Variants in MRTFA observed in about 807,000 individuals in gnomAD.
MRTFA encodes myocardin-related transcription factor A.
A neutral mutation model predicts 83.5 loss-of-function variants in MRTFA; 20 were observed. The ratio of observed to expected loss-of-function variants is 0.24; its 90% CI spans 0.17 to 0.35. The LOEUF is 0.35. Among genes scored for constraint, MRTFA ranks in the 10% least tolerant of loss-of-function variants. The pLI is 1.00. For missense variants in MRTFA, 1,200 were observed against 1,224.7 expected (o/e 0.98, Z 0.30); for synonymous variants, 659 against 541.2 (o/e 1.22, Z -3.02).
chr22:40,511,521 A>G (rs2054668016), intron 3 of MRTFA, among the ~76,000 whole-genome samples: 1 of 152,236 alleles, frequency 6.6e-6, no homozygotes, highest in East Asian at 1.9e-4. Context: ...TTTGGAGGAA[A>G]TTCTAAGACG....
intron 4 of MRTFA, among the ~76,000 whole-genome samples, chr22:40,446,299 T>C (rs901035196): frequency 6.6e-6 from 1 of 152,192 alleles, no homozygotes; most frequent in Non-Finnish European, 1.5e-5. Flanking sequence ...AATTGCAAAA[T>C]AGCAAGGACT....
intron 1 of MRTFA, among the ~76,000 whole-genome samples, chr22:40,631,267 G>C (rs575714829): frequency 6.6e-6 from 1 of 152,230 alleles, no homozygotes; most frequent in East Asian, 1.9e-4. Context: ...TCATCTCTCT[G>C]ACTCCAAACT....
chr22:40,631,259 A>C (rs1432174358), intron 1 of MRTFA, among the ~76,000 whole-genome samples: 1 of 152,176 alleles, frequency 6.6e-6, no homozygotes, highest in African/African-American at 2.4e-5. Flanking sequence ...ATATTCATTC[A>C]TCTCTCTGAC....
chr22:40,426,720 C>T (rs968311081), intron 7 of MRTFA, among the ~76,000 whole-genome samples: 1 of 152,190 alleles, frequency 6.6e-6, no homozygotes, highest in African/African-American at 2.4e-5. Context: ...GCCACCAACA[C>T]CTGTTCCCAT....
chr22:40,524,124 T>C (rs1286330251), intron 3 of MRTFA, among the ~76,000 whole-genome samples: 2 of 152,048 alleles, frequency 1.3e-5, no homozygotes, highest in Admixed American at 1.3e-4. Flanking sequence ...TGAAAACCTG[T>C]CTCTCATTAA....
chr22:40,424,452 C>T (rs1370622155), intron 7 of MRTFA, 71 bp from the exon 8 acceptor site: 2 of 1,518,032 alleles, frequency 1.3e-6, no homozygotes, highest in African/African-American at 1.4e-5. Context: ...AGGCCTGGCT[C>T]GCAGGCCACA....
intron 2 of MRTFA, among the ~76,000 whole-genome samples, chr22:40,565,304 T>C (rs1431732107): frequency 6.6e-6 from 1 of 152,102 alleles, no homozygotes; most frequent in Admixed American, 6.5e-5. Flanking sequence ...CCCAGGACTT[T>C]GGGAGGCCAA....
At chr22:40,449,628 A>T (rs1339128692) in intron 4 of MRTFA, among the ~76,000 whole-genome samples, 1 of 152,220 alleles carries the variant, frequency 6.6e-6, no homozygotes, top group Non-Finnish European at 1.5e-5. Context: ...GAGGTGAGAA[A>T]GTAAGAATTT....
intron 1 of MRTFA, among the ~76,000 whole-genome samples, chr22:40,620,539 G>T (rs1258016088): frequency 6.7e-6 from 1 of 149,714 alleles, no homozygotes; most frequent in African/African-American, 2.5e-5. Context: ...TTCCCAAAGT[G>T]CTGGGATTAC....
chr22:40,504,137 T>G (rs1569301294), intron 3 of MRTFA, among the ~76,000 whole-genome samples: 1 of 152,168 alleles, frequency 6.6e-6, no homozygotes, highest in Non-Finnish European at 1.5e-5. Context: ...AATTGAAAAT[T>G]AGATATAAAA....
chr22:40,587,788 T>C (rs1256143059), intron 2 of MRTFA: 2 of 338,036 alleles, frequency 5.9e-6, no homozygotes, highest in Non-Finnish European at 1.2e-5. Context: ...GAGACCCAAC[T>C]CTGCCAGTAC....
chr22:40,484,509 A>G (rs2054142952), intron 3 of MRTFA, among the ~76,000 whole-genome samples: 1 of 152,174 alleles, frequency 6.6e-6, no homozygotes, highest in Non-Finnish European at 1.5e-5. Context: ...AAGCAAAGGT[A>G]GGTGTAACTG....
chr22:40,441,723 G>A (rs1446281024), intron 4 of MRTFA, among the ~76,000 whole-genome samples: 1 of 151,820 alleles, frequency 6.6e-6, no homozygotes, highest in Non-Finnish European at 1.5e-5. Context: ...GGAGGCGAAG[G>A]TTGCAGTGAG....
intron 2 of MRTFA, among the ~76,000 whole-genome samples, chr22:40,557,829 A>G (rs1274298530): frequency 6.6e-6 from 1 of 152,170 alleles, no homozygotes; most frequent in Non-Finnish European, 1.5e-5. Flanking sequence ...GCTGGAGTGC[A>G]GTGGCAAGTT....
intron 12 of MRTFA, 166 bp from the exon 13 acceptor site, chr22:40,417,659 A>G: frequency 1.7e-6 from 1 of 600,042 alleles, no homozygotes; most frequent in Non-Finnish European, 2.9e-6. Flanking sequence ...CTAGGTAGGA[A>G]GGAATACAGG....
chr22:40,577,921 T>A (rs2055891118), intron 2 of MRTFA, among the ~76,000 whole-genome samples: 1 of 151,734 alleles, frequency 6.6e-6, no homozygotes, highest in East Asian at 1.9e-4. Context: ...CTGATCTTTT[T>A]AAACCACTGT....
chr22:40,622,164 G>A (rs1242403548), intron 1 of MRTFA, among the ~76,000 whole-genome samples: 1 of 152,130 alleles, frequency 6.6e-6, no homozygotes, highest in Non-Finnish European at 1.5e-5. Flanking sequence ...AAAGGGCTAG[G>A]AGTCTTTGCA....
At chr22:40,423,828 C>T (rs1047503897) in intron 8 of MRTFA, 143 bp from the exon 9 acceptor site, 3 of 717,072 alleles carry the variant, frequency 4.2e-6, no homozygotes, top group Non-Finnish European at 6.3e-6. Flanking sequence ...AGAAGAGCAA[C>T]CCCCAGGGTG....
At chr22:40,584,521 G>C (rs2055997019) in intron 2 of MRTFA, among the ~76,000 whole-genome samples, 1 of 152,142 alleles carries the variant, frequency 6.6e-6, no homozygotes, top group Non-Finnish European at 1.5e-5. Flanking sequence ...AGGATCACCT[G>C]AGGTTGGGAG....
Sources: allele counts gnomAD v4.1 joint callset (sites outside exome capture counted in the v4.1 genomes callset), GRCh38; gene constraint gnomAD v4.1.1; transcripts MANE v1.5; gene names NCBI Gene and HGNC (gene_info 2026-07-23, HGNC 2026-07-21).